The following ZFP28 variants were observed in gnomAD, a reference collection of about 807,000 sequenced individuals.
ZFP28 encodes zinc finger protein 28 homolog.
Under a neutral mutation model 39.5 loss-of-function variants are expected in ZFP28, and 31 were observed. That is an observed-to-expected ratio of 0.79 (90% CI 0.59 to 1.06). The LOEUF (loss-of-function observed/expected upper bound fraction) is 1.06, where lower values mean the gene tolerates loss of function less well. Ranked by LOEUF, ZFP28 falls within the 50% of genes least tolerant of loss-of-function variation. The pLI is 0.00. For synonymous variants in ZFP28, 400 were observed against 378.6 expected (o/e 1.06, Z -0.66); for missense variants, 925 against 1,048.4 (o/e 0.88, Z 1.63).
chr19:56,547,624 G>C lies in ZFP28; in HGVS notation c.417G>C (p.Leu139=). ...RKVMLENYRN[L]ASLGLCVSKP... is the part of the protein sequence containing the mutation. The stretch of plus-strand genomic sequence containing the variant: ...TGATGTTGGAGAACTACAGGAACCT[G>C]GCATCGCTGGGTAAGGGCTCCCACC... The change falls in exon 3 of 8, where the codon CTG becomes CTC. Residue 139 remains leucine, a synonymous_variant. Coordinates refer to ENST00000301318, the MANE Select transcript of ZFP28 (RefSeq NM_020828.2). This position sits in a 1 kb window ranked among gnomAD's most constrained non-coding sequence, Gnocchi z 4.6. 1 of 1,610,208 alleles carries C rather than the reference G, an allele frequency of 6.2e-7. No individual in the cohort carries two copies. Among genetic ancestry groups the C allele is most frequent in the Non-Finnish European group, 8.5e-7 (1 of 1,177,772 alleles).
Position 56,554,498 on chromosome 19 carries a change from C to T in ZFP28, c.1713C>T (p.Ser571=), listed in dbSNP as rs1252682190. 1.2e-6 allele frequency: 2 copies of T among 1,614,178 alleles called. No homozygotes were observed. Among genetic ancestry groups the T allele is most frequent in the East Asian group, 2.2e-5 (1 of 44,882 alleles). The change falls in exon 8 of 8, where the codon AGC becomes AGT. Residue 571 remains serine, a synonymous_variant. Coordinates refer to ENST00000301318, the MANE Select transcript of ZFP28 (RefSeq NM_020828.2). The surrounding 1 kb of genome is among the most constrained non-coding windows in gnomAD (Gnocchi z 6.7). ...GTGATGTTTGCAGAAAAGCCTTCAG[C>T]CATCATGCATCACTCACTCAACATC... The part of the protein sequence containing the change: ...YECDVCRKAF[S]HHASLTQHQR...
At chr19:56,552,378 A>G (rs1482429274) in intron 7 of ZFP28, 1 of 152,174 alleles carries the variant, frequency 6.6e-6, no homozygotes, top group Non-Finnish European at 1.5e-5. Context: ...AGTTTAAAAA[A>G]AATTTTGCCA....
chr19:56,541,643 G>A (rs974662976), intron 2 of ZFP28, among the ~76,000 whole-genome samples: 3 of 151,892 alleles, frequency 2.0e-5, no homozygotes, highest in African/African-American at 7.3e-5. Flanking sequence ...CTGAAAAATC[G>A]CCTTCTCATT....
Position 56,554,669 on chromosome 19 carries a change from C to T in ZFP28, c.1884C>T (p.Ile628=), listed in dbSNP as rs746164834. 2.5e-6 allele frequency: 4 copies of T among 1,613,452 alleles called. No homozygotes were observed. The highest frequency in any genetic ancestry group is 1.1e-5 in the South Asian group (1 of 91,048). The part of the protein sequence containing the change: ...ECAECGKSFS[I]SSQLATHQRI... ...CGGAGTGTGGAAAATCCTTCAGCATCAGTTCTCAGCTTGCCACTCATCAGA... is the reference window on the plus strand; with the variant it reads ...CGGAGTGTGGAAAATCCTTCAGCATTAGTTCTCAGCTTGCCACTCATCAGA... The change falls in exon 8 of 8, where the codon ATC becomes ATT. Residue 628 remains isoleucine (I), a synonymous_variant. Transcript: ENST00000301318. The surrounding 1 kb of genome is among the most constrained non-coding windows in gnomAD (Gnocchi z 6.7).
At position 56,554,441 on chromosome 19, in the gene ZFP28, A is replaced by G. The variant is rs772013641; in HGVS notation, c.1656A>G (p.Gln552=). The part of the protein sequence containing the change: ...FRYGSSLTVH[Q]RIHTGEKPYE... ...ATGGTTCCTCCCTTACTGTACATCA[A>G]AGGATTCATACCGGAGAAAAACCAT... is the stretch of plus-strand genomic sequence containing the variant. The change falls in exon 8 of 8, where the codon CAA becomes CAG. Residue 552 remains glutamine, a synonymous_variant. Transcript: ENST00000301318. This position sits in a 1 kb window ranked among gnomAD's most constrained non-coding sequence, Gnocchi z 6.7. 6.8e-6 allele frequency: 11 copies of G among 1,614,070 alleles called. No individual in the cohort carries two copies. The highest frequency in any genetic ancestry group is 6.7e-5 in the African/African-American group (5 of 74,924).
rs764819000 is a variant in ZFP28 at position 56,554,789 on chromosome 19, A to G, written c.2004A>G (p.Thr668=). The part of the protein sequence containing the change: ...AHLAQHQKTH[T]GEKPYECKEC... ...TTGCACAGCATCAGAAAACCCATACAGGAGAGAAACCATATGAGTGCAAGG... is the reference window on the plus strand; with the variant it reads ...TTGCACAGCATCAGAAAACCCATACGGGAGAGAAACCATATGAGTGCAAGG... The change falls in exon 8 of 8, where the codon ACA becomes ACG. Residue 668 remains threonine (T), a synonymous_variant. Coordinates refer to ENST00000301318, the MANE Select transcript of ZFP28 (RefSeq NM_020828.2). The surrounding 1 kb of genome is among the most constrained non-coding windows in gnomAD (Gnocchi z 6.7). 6 of 1,614,172 alleles carry G rather than the reference A, an allele frequency of 3.7e-6. No individual in the cohort carries two copies. The highest frequency in any genetic ancestry group is 2.2e-5 in the East Asian group (1 of 44,858).
chr19:56,541,061 G>T (rs2044191251), intron 2 of ZFP28, among the ~76,000 whole-genome samples: 1 of 152,044 alleles, frequency 6.6e-6, no homozygotes, highest in Non-Finnish European at 1.5e-5. Context: ...GATTCACATT[G>T]TGAGCCCAAA....
chr19:56,553,204 C>T (rs1037359431), intron 7 of ZFP28: 1 of 147,564 alleles, frequency 6.8e-6, no homozygotes, highest in African/African-American at 2.6e-5. Context: ...GTGGAAGTAA[C>T]CAGGAAAATG....
intron 2 of ZFP28, chr19:56,545,570 C>G (rs2044234504): frequency 6.6e-6 from 1 of 152,108 alleles, no homozygotes; most frequent in Non-Finnish European, 1.5e-5. Flanking sequence ...ACACTTAGAG[C>G]AGAATGGCAA....
intron 2 of ZFP28, chr19:56,546,538 C>T (rs1371127606): frequency 6.6e-6 from 1 of 151,938 alleles, no homozygotes; most frequent in African/African-American, 2.4e-5. Context: ...CACCTTGGTT[C>T]GTAAAGGCAT....
intron 7 of ZFP28, 146 bp from the exon 8 acceptor site, chr19:56,553,538 G>A: frequency 9.2e-7 from 1 of 1,088,568 alleles, no homozygotes; most frequent in Non-Finnish European, 1.3e-6. Context: ...ACTGTGCCTG[G>A]CCCTAAATGT....
rs997542928 is a variant in ZFP28 at position 56,547,546 on chromosome 19, C to T, written c.339C>T (p.Ser113=). The change falls in exon 3 of 8, where the codon TCC becomes TCT. Residue 113 remains serine, a synonymous_variant. Transcript: ENST00000301318. This position sits in a 1 kb window ranked among gnomAD's most constrained non-coding sequence, Gnocchi z 4.6. ...VTFGDVAVDF[S]QEEWEWLNPI... ...TTGGGGATGTGGCTGTAGATTTCTC[C>T]CAAGAGGAGTGGGAGTGGCTGAACC... is the stretch of plus-strand genomic sequence containing the variant. 6.2e-7 allele frequency: 1 copy of T among 1,613,944 alleles called. No homozygotes were observed. Among genetic ancestry groups the T allele is most frequent in the East Asian group, 2.2e-5 (1 of 44,878 alleles).
chr19:56,553,826 G>A lies in ZFP28; in HGVS notation c.1041G>A (p.Arg347=). 1.2e-6 allele frequency: 2 copies of A among 1,614,150 alleles called. No homozygotes were observed. The highest frequency in any genetic ancestry group is 1.7e-6 in the Non-Finnish European group (2 of 1,180,014). The change falls in exon 8 of 8, where the codon AGG becomes AGA. Residue 347 remains arginine, a synonymous_variant. Coordinates refer to ENST00000301318, the MANE Select transcript of ZFP28 (RefSeq NM_020828.2). ...ENWDSDYVFG[R]KLAVGQETQF... The stretch of plus-strand genomic sequence containing the variant: ...GGGATTCTGACTATGTGTTTGGAAG[G>A]AAGCTTGCAGTAGGTCAAGAGACAC...
upstream of ZFP28, chr19:56,538,927 G>T (rs995363764): frequency 1.8e-6 from 2 of 1,128,882 alleles, no homozygotes; most frequent in East Asian, 3.3e-5. Context: ...GAGCGCGCGC[G>T]GGGCTGTTCG....
At chr19:56,545,862 G>C (rs1057104416) in intron 2 of ZFP28, 1 of 152,232 alleles carries the variant, frequency 6.6e-6, no homozygotes, top group African/African-American at 2.4e-5. Flanking sequence ...TCATGCAGAA[G>C]GACAGTAGTC....
intron 5 of ZFP28, 24 bp downstream of exon 5, chr19:56,549,145 G>A: frequency 6.3e-7 from 1 of 1,588,236 alleles, no homozygotes; most frequent in Non-Finnish European, 8.6e-7. Flanking sequence ...CAAATTTCAG[G>A]CAAGAGGAAG....
Position 56,555,263 on chromosome 19 carries a change from T to C in ZFP28, c.2478T>C (p.Ala826=), listed in dbSNP as rs766461364. 3 of 1,614,154 alleles carry C rather than the reference T, an allele frequency of 1.9e-6. No homozygotes were observed. The highest frequency in any genetic ancestry group is 1.6e-4 in the Middle Eastern group (1 of 6,062). ...GCAGAAAAGTCTTCAGGCAAACTGC[T>C]CACTTAGCTCATCATCAGCGAATTC... ...KKSRKVFRQT[A]HLAHHQRIHT... Residue 826 remains alanine, a synonymous_variant, in exon 8 of 8, where the codon GCT becomes GCC. Coordinates refer to ENST00000301318, the MANE Select transcript of ZFP28 (RefSeq NM_020828.2).
At chr19:56,539,280 A>G (rs2044171978) in intron 1 of ZFP28, 54 bp downstream of exon 1, 3 of 1,511,538 alleles carry the variant, frequency 2.0e-6, no homozygotes, top group Non-Finnish European at 2.7e-6. Context: ...TCATCTCGGG[A>G]TGAGATCTGG....
intron 7 of ZFP28, chr19:56,553,228 T>G (rs865965657): frequency 0.17 from 5,267 of 30,482 alleles, 287 homozygotes; most frequent in African/African-American, 0.42. Context: ...AAATAATTGT[T>G]TTTTTTTTTT....
Sources: gnomAD v4.1 joint callset for allele counts (sites outside exome capture counted in the v4.1 genomes callset) on GRCh38, gnomAD v4.1.1 for gene constraint, Gnocchi (gnomAD v3.1) non-coding constraint, MANE v1.5 for transcripts, NCBI Gene and HGNC (gene_info 2026-07-23, HGNC 2026-07-21) for gene names.